Variants in PRMT8 observed in about 807,000 individuals in gnomAD.
The protein encoded by PRMT8 is protein arginine methyltransferase 8.
PRMT8 carries 7 observed loss-of-function variants against 47.1 expected under a neutral mutation model. The ratio of observed to expected loss-of-function variants is 0.15; its 90% CI spans 0.08 to 0.28. The LOEUF is 0.28. Ranked by LOEUF, PRMT8 falls within the 10% of genes least tolerant of loss-of-function variation. PRMT8 has a pLI of 1.00. For missense variants in PRMT8, 237 were observed against 505.4 expected (o/e 0.47, Z 5.09); for synonymous variants, 188 against 186.5 (o/e 1.01, Z -0.07).
chr12:3,443,644 C>T (rs7956064), intron 1 of PRMT8, among the ~76,000 whole-genome samples: 11,185 of 152,284 alleles, frequency 0.073, 562 homozygotes, highest in South Asian at 0.19. Flanking sequence ...AGATGTTCTC[C>T]TTAGACCAGC....
chr12:3,560,482 A>G (rs897861822), intron 4 of PRMT8, among the ~76,000 whole-genome samples: 40 of 152,158 alleles, frequency 2.6e-4, no homozygotes, highest in African/African-American at 9.7e-4. Context: ...CTCCTCTTTG[A>G]CTTAAGCACT....
intron 1 of PRMT8, among the ~76,000 whole-genome samples, chr12:3,454,587 G>A (rs1037758794): frequency 8.6e-5 from 13 of 152,046 alleles, no homozygotes; most frequent in African/African-American, 3.1e-4. Flanking sequence ...AGCGGCATGT[G>A]GCATTTCTCA....
chr12:3,545,750 T>G (rs1233204069), intron 2 of PRMT8, among the ~76,000 whole-genome samples: 2 of 152,168 alleles, frequency 1.3e-5, no homozygotes, highest in African/African-American at 4.8e-5. Context: ...AAGGGAAATC[T>G]CCAGTCATAG....
At chr12:3,562,667 C>A (rs1342565822) in intron 4 of PRMT8, among the ~76,000 whole-genome samples, 1 of 152,098 alleles carries the variant, frequency 6.6e-6, no homozygotes, top group Non-Finnish European at 1.5e-5. Flanking sequence ...TCATCTGTGT[C>A]GTTAGCTTGA....
rs1867351851 is a variant in PRMT8, at chr12:3,593,251, A to C, written c.*69A>C. On this transcript the variant is annotated 3_prime_UTR_variant, in exon 10 of 10. Transcript: ENST00000382622. This position sits in a 1 kb window ranked among gnomAD's most constrained non-coding sequence, Gnocchi z 4.8. ...ACCTCGATCTGCCGTGCCGTCCCAA[A>C]GAATACCGTTTGCAGGACTACACAC... The C allele has an allele frequency of 7.5e-7, 1 of 1,341,434 alleles. No individual in the cohort carries two copies. The highest frequency in any genetic ancestry group is 1.1e-6 in the Non-Finnish European group (1 of 949,818). The allele number at this position is 1,341,434 out of a possible 1,614,324, so 83.1% of individuals were successfully genotyped here. A position where few individuals can be genotyped will look rare whatever the true frequency, so the allele number is the denominator to read the frequency against.
intron 3 of PRMT8, chr12:3,553,026 T>C: frequency 3.5e-6 from 1 of 286,602 alleles, no homozygotes; most frequent in East Asian, 9.2e-5. Context: ...GGTCCACTCA[T>C]CTCTCAAATA....
At chr12:3,589,290 T>C (rs1867249321) in intron 8 of PRMT8, among the ~76,000 whole-genome samples, 1 of 152,214 alleles carries the variant, frequency 6.6e-6, no homozygotes, top group African/African-American at 2.4e-5. Flanking sequence ...CCTTAGTCTA[T>C]GATCCTTTCC....
In PRMT8 at chr12:3,550,743, T is replaced by C. The variant is rs911810310; in HGVS notation, c.417+652T>C. The C allele has an allele frequency of 2.6e-5, 4 of 152,222 alleles. No homozygotes were observed. Among genetic ancestry groups the C allele is most frequent in the Non-Finnish European group, 4.4e-5 (3 of 68,062 alleles). The allele number at this position is 152,222 out of a possible 1,614,324, so 9.4% of individuals were successfully genotyped here. A position where few individuals can be genotyped will look rare whatever the true frequency, so the allele number is the denominator to read the frequency against. ...TGTGGCAGCGTTTCCAGGCTAGATG[T>C]GGAGGCTGACCCTCTGGGAAGCCTC... is the stretch of plus-strand genomic sequence containing the variant. On this transcript the variant is annotated intron_variant, in intron 3 of 9. Transcript: ENST00000382622. This position sits in a 1 kb window ranked among gnomAD's most constrained non-coding sequence, Gnocchi z 5.1.
intron 1 of PRMT8, among the ~76,000 whole-genome samples, chr12:3,481,279 T>G (rs1223835803): frequency 6.6e-6 from 1 of 152,226 alleles, no homozygotes; most frequent in Non-Finnish European, 1.5e-5. Flanking sequence ...TTGACCTTTA[T>G]GGGCACTTTT....
chr12:3,584,617 C>G lies in PRMT8; in HGVS notation c.979+1409C>G, dbSNP rs1218496542. Among the ~76,000 whole-genome samples, 9 of 152,158 alleles carry G rather than the reference C, an allele frequency of 5.9e-5. No homozygotes were observed. In the East Asian group the frequency reaches 1.5e-3, roughly 26 times the overall value. ...TAAAAAGTCAAAGAAAGCATTCTCA[C>G]CCCCAACCCATCCCACTCCCACTCT... On this transcript the variant is annotated intron_variant, in intron 8 of 9. Transcript: ENST00000382622.
At chr12:3,558,312 G>T (rs773355288) in intron 4 of PRMT8, among the ~76,000 whole-genome samples, 1 of 151,702 alleles carries the variant, frequency 6.6e-6, no homozygotes, top group Non-Finnish European at 1.5e-5. Context: ...TACAGAAAAG[G>T]TGCGCACACA....
intron 2 of PRMT8, among the ~76,000 whole-genome samples, chr12:3,541,838 A>G (rs1303373400): frequency 3.9e-5 from 6 of 152,174 alleles, no homozygotes; most frequent in South Asian, 2.1e-4. Flanking sequence ...CTTCAGGTCA[A>G]TCCTGCAAGG....
intron 1 of PRMT8, among the ~76,000 whole-genome samples, chr12:3,505,335 G>A (rs1212454797): frequency 2.0e-5 from 3 of 152,284 alleles, no homozygotes; most frequent in Non-Finnish European, 2.9e-5. Context: ...TACTCAACAC[G>A]GTGCCCGCCA....
At chr12:3,433,058 C>T (rs1026367998) in intron 1 of PRMT8, among the ~76,000 whole-genome samples, 2 of 152,200 alleles carry the variant, frequency 1.3e-5, no homozygotes, top group Non-Finnish European at 2.9e-5. Flanking sequence ...CAATTTACAG[C>T]AGTCCCAGCG....
At chr12:3,443,340 C>T (rs1406550874) in intron 1 of PRMT8, among the ~76,000 whole-genome samples, 1 of 152,152 alleles carries the variant, frequency 6.6e-6, no homozygotes, top group African/African-American at 2.4e-5. Flanking sequence ...CGGTGCCTCC[C>T]CCATCCCCCA....
At chr12:3,385,736 T>C (rs192168813) in intron 1 of PRMT8, among the ~76,000 whole-genome samples, 135 of 152,334 alleles carry the variant, frequency 8.9e-4, no homozygotes, top group South Asian at 6.8e-3. Context: ...TTCTTTACAC[T>C]TTTACATATT....
At chr12:3,399,436 T>C (rs1864295896) in intron 1 of PRMT8, among the ~76,000 whole-genome samples, 1 of 152,174 alleles carries the variant, frequency 6.6e-6, no homozygotes, top group Non-Finnish European at 1.5e-5. Flanking sequence ...CCCAGTTTTC[T>C]TTCAACTGCA....
intron 1 of PRMT8, among the ~76,000 whole-genome samples, chr12:3,509,553 G>A (rs1333035772): frequency 2.0e-5 from 3 of 152,186 alleles, no homozygotes; most frequent in Admixed American, 6.5e-5. Flanking sequence ...CATCTACCAC[G>A]ATAGCTGGTG....
At chr12:3,384,330 C>T (rs1864120213) in intron 1 of PRMT8, among the ~76,000 whole-genome samples, 1 of 150,862 alleles carries the variant, frequency 6.6e-6, no homozygotes, top group African/African-American at 2.4e-5. Context: ...TTTTCTGCTT[C>T]AATTGCTATG....
Sources: gnomAD v4.1 joint callset for allele counts (sites outside exome capture counted in the v4.1 genomes callset) on GRCh38, gnomAD v4.1.1 for gene constraint, Gnocchi (gnomAD v3.1) non-coding constraint, MANE v1.5 for transcripts, NCBI Gene and HGNC (gene_info 2026-07-23, HGNC 2026-07-21) for gene names.